CBFA2T3: variants seen among roughly 807,000 people sequenced by gnomAD.
CBFA2T3 encodes the protein transcriptional corepressor CBFA2T3.
CBFA2T3 carries 31 observed loss-of-function variants against 58.6 expected under a neutral mutation model. The ratio of observed to expected loss-of-function variants is 0.53; its 90% CI spans 0.40 to 0.71. The LOEUF (loss-of-function observed/expected upper bound fraction) is 0.71, where lower values mean the gene tolerates loss of function less well. Ranked by LOEUF, CBFA2T3 falls within the 30% of genes least tolerant of loss-of-function variation. The pLI is 0.00. For missense variants in CBFA2T3, 1,076 were observed against 963.1 expected (o/e 1.12, Z -1.55); for synonymous variants, 531 against 421.9 (o/e 1.26, Z -3.17).
chr16:88,881,163 A>T, intron 9 of CBFA2T3, 128 bp downstream of exon 9: 5 of 864,090 alleles, frequency 5.8e-6, no homozygotes, highest in Non-Finnish European at 9.5e-6. Context: ...AAAGTGAAAA[A>T]GGTGCCTCTT....
rs74033210 is a variant in CBFA2T3 at position 88,949,021 on chromosome 16, G to A, written c.151+27636C>T. On this transcript the variant is annotated intron_variant, in intron 1 of 11. Coordinates refer to ENST00000268679, the MANE Select transcript of CBFA2T3 (RefSeq NM_005187.6). ...TGTCAGGACAACTGCCCCATGTGGG[G>A]AAAATGAATTATATACTCCTTACTT... 9.9e-3 allele frequency among the ~76,000 whole-genome samples: 1,510 copies of A among 152,320 alleles called. 33 individuals carry two copies. The highest frequency in any genetic ancestry group is 0.035 in the African/African-American group (1,439 of 41,574).
chr16:88,881,073 G>C (rs1333782388), intron 9 of CBFA2T3: 4 of 710,016 alleles, frequency 5.6e-6, no homozygotes, highest in Non-Finnish European at 1.0e-5. Context: ...AGACCCTCAG[G>C]GCCTCCCAGC....
intron 1 of CBFA2T3, among the ~76,000 whole-genome samples, chr16:88,921,585 C>G (rs990130387): frequency 6.5e-5 from 9 of 139,286 alleles, no homozygotes; most frequent in African/African-American, 2.6e-4. Flanking sequence ...CTTCTTGGGC[C>G]ACATTTTGCT....
At chr16:88,950,223 A>G (rs1229654425) in intron 1 of CBFA2T3, 1 of 436,808 alleles carries the variant, frequency 2.3e-6, no homozygotes, top group Non-Finnish European at 4.6e-6. Context: ...CGGCACCGCC[A>G]CAGAGGGTCA....
chr16:88,919,936 A>G (rs895281180), intron 1 of CBFA2T3, among the ~76,000 whole-genome samples: 1 of 152,182 alleles, frequency 6.6e-6, no homozygotes, highest in African/African-American at 2.4e-5. Context: ...GCAGCATGAG[A>G]ATTGATGAGA....
rs576255777 is a variant in CBFA2T3 at position 88,958,250 on chromosome 16, G to A, written c.151+18407C>T. On this transcript the variant is annotated intron_variant, in intron 1 of 11. Transcript: ENST00000268679. This position sits in a 1 kb window ranked among gnomAD's most constrained non-coding sequence, Gnocchi z 4.0. ...GCACAGGCTATGGCAGAAGAGCTTC[G>A]AGAGCCCAAAGCTCCCAGGGAAGCT... 6.6e-5 allele frequency among the ~76,000 whole-genome samples: 10 copies of A among 152,234 alleles called. No homozygotes were observed. The highest frequency in any genetic ancestry group is 1.9e-4 in the East Asian group (1 of 5,158).
At chr16:88,906,093 C>T (rs1167181671) in intron 1 of CBFA2T3, among the ~76,000 whole-genome samples, 1 of 152,074 alleles carries the variant, frequency 6.6e-6, no homozygotes, top group East Asian at 1.9e-4. Flanking sequence ...CGCCATCACT[C>T]GAAATGGTGG....
In CBFA2T3 at chr16:88,976,682, G is replaced by A. The variant is rs1157366347; in HGVS notation, c.126C>T (p.Pro42=). Residue 42 remains proline, a synonymous_variant, in exon 1 of 12, where the codon CCC becomes CCT. Coordinates refer to ENST00000268679, the MANE Select transcript of CBFA2T3 (RefSeq NM_005187.6). ...CTGGGCCGCCCTTCCTGGGACCCCG[G>A]GGTGCGGAGCAGCCGGCAGATGCCA... ...GLLASAGCSA[P]RGPRKGGPAP... 5 of 1,563,404 alleles carry A rather than the reference G, an allele frequency of 3.2e-6. No homozygotes were observed. The highest frequency in any genetic ancestry group is 3.7e-5 in the Admixed American group (2 of 53,920).
intron 1 of CBFA2T3, among the ~76,000 whole-genome samples, chr16:88,925,851 G>A (rs1221158864): frequency 6.6e-6 from 1 of 152,230 alleles, no homozygotes; most frequent in Non-Finnish European, 1.5e-5. Context: ...CAAGGACATG[G>A]GTGGCACTGC....
intron 10 of CBFA2T3, 98 bp downstream of exon 10, chr16:88,880,622 G>A: frequency 9.9e-7 from 1 of 1,008,902 alleles, no homozygotes. Flanking sequence ...AGCCCCCAGA[G>A]AGAGACAGAA....
At chr16:88,891,152 G>A (rs898184264) in intron 5 of CBFA2T3, among the ~76,000 whole-genome samples, 67 of 151,944 alleles carry the variant, frequency 4.4e-4, no homozygotes, top group African/African-American at 1.5e-3. Flanking sequence ...GCCCCTTCCC[G>A]CCTGTCTACC....
intron 3 of CBFA2T3, among the ~76,000 whole-genome samples, chr16:88,893,037 C>T (rs1336358959): frequency 6.6e-6 from 1 of 152,166 alleles, no homozygotes; most frequent in East Asian, 1.9e-4. Flanking sequence ...GGCTTGATGG[C>T]TCACTTCCCA....
intron 1 of CBFA2T3, chr16:88,936,758 C>G (rs963455168): frequency 1.3e-5 from 2 of 152,276 alleles, no homozygotes; most frequent in African/African-American, 2.4e-5. Flanking sequence ...TGAGGTCCCA[C>G]GAATTACAAA....
chr16:88,903,672 G>A (rs1446295517), intron 1 of CBFA2T3, among the ~76,000 whole-genome samples: 2 of 101,910 alleles, frequency 2.0e-5, no homozygotes, highest in Admixed American at 1.0e-4. Flanking sequence ...GGGGGGGGGC[G>A]TTCCTGGGGG....
At chr16:88,913,842 A>G (rs1970604271) in intron 1 of CBFA2T3, among the ~76,000 whole-genome samples, 1 of 152,132 alleles carries the variant, frequency 6.6e-6, no homozygotes, top group Non-Finnish European at 1.5e-5. Flanking sequence ...TGAAAATCAC[A>G]CCGTGGCCAC....
chr16:88,914,601 G>T (rs1970631493), intron 1 of CBFA2T3, among the ~76,000 whole-genome samples: 1 of 152,340 alleles, frequency 6.6e-6, no homozygotes, highest in Middle Eastern at 3.4e-3. Flanking sequence ...AAGCGACCAG[G>T]GTGAGTCTGG....
chr16:88,921,080 C>T (rs1280475727), intron 1 of CBFA2T3, among the ~76,000 whole-genome samples: 1 of 152,248 alleles, frequency 6.6e-6, no homozygotes, highest in Non-Finnish European at 1.5e-5. Flanking sequence ...GGCCTTCCCC[C>T]AGGCAAGGCC....
intron 3 of CBFA2T3, among the ~76,000 whole-genome samples, chr16:88,893,078 G>A (rs1441724947): frequency 6.6e-6 from 1 of 152,142 alleles, no homozygotes; most frequent in Non-Finnish European, 1.5e-5. Context: ...CTTGGAAAAT[G>A]AGAAGTCGCT....
chr16:88,929,377 G>T (rs1248205474), intron 1 of CBFA2T3, among the ~76,000 whole-genome samples: 3 of 152,218 alleles, frequency 2.0e-5, no homozygotes, highest in Admixed American at 1.3e-4. Context: ...TGACAGCAAG[G>T]CCAAGCCCCC....
Sources: allele counts gnomAD v4.1 joint callset (sites outside exome capture counted in the v4.1 genomes callset), GRCh38; gene constraint gnomAD v4.1.1; non-coding constraint Gnocchi (gnomAD v3.1); transcripts MANE v1.5; gene names NCBI Gene and HGNC (gene_info 2026-07-23, HGNC 2026-07-21).